The following DYTN variants were observed in gnomAD, a reference collection of about 807,000 sequenced individuals.
DYTN encodes dystrotelin.
Under a neutral mutation model 69.6 loss-of-function variants are expected in DYTN, and 75 were observed. That is an observed-to-expected ratio of 1.08 (90% confidence interval 0.89 to 1.31). DYTN has a LOEUF of 1.31. DYTN is among the 50% of genes most tolerant of loss of function. DYTN has a pLI of 0.00. For missense variants in DYTN, 726 were observed against 688.4 expected (o/e 1.05, Z -0.61); for synonymous variants, 252 against 249.1 (o/e 1.01, Z -0.11).
Position 206,665,970 on chromosome 2 carries a change from T to C in DYTN, c.1040A>G (p.Gln347Arg). 1 of 1,613,982 alleles carries C rather than the reference T, an allele frequency of 6.2e-7. No individual in the cohort carries two copies. The highest frequency in any genetic ancestry group is 8.5e-7 in the Non-Finnish European group (1 of 1,179,872). Residue 347 changes from glutamine (Q) to arginine (R), a missense_variant, in exon 10 of 12, where the codon CAG becomes CGG. By Grantham distance (43) the Gln-to-Arg change is conservative. Transcript: ENST00000452335. ...KDKLQAIYTS[Q>R]EERICRFETR... ...TTCAAATCGACAAATTCTTTCTTCC[T>C]GGGAGGTGTATATAGCTTGCAACTT...
Position 206,705,771 on chromosome 2 carries a change from A to G in DYTN, c.382+17T>C, listed in dbSNP as rs752838526. 1.2e-6 allele frequency: 2 copies of G among 1,612,372 alleles called. No individual in the cohort carries two copies. ...GCTCACTGCACTTTAGGACACCCGC[A>G]GTCCTCTGCATGTTACCTCGGTATT... On this transcript the variant is annotated intron_variant, in intron 4 of 11. Coordinates refer to ENST00000452335, the MANE Select transcript of DYTN (RefSeq NM_001093730.1).
In DYTN at chr2:206,704,909, T is replaced by TC; in HGVS notation, c.416dup (p.Gly140ArgfsTer3). ...TCATGCGTGGCCCAGAATCATAGCC[T>TC]CCCCTGCTATTTTCTGCATAGAGTT... On this transcript the variant is annotated frameshift_variant, in exon 5 of 12. Transcript: ENST00000452335. LOFTEE classifies it high-confidence loss of function. The TC allele has an allele frequency of 6.2e-7, 1 of 1,613,818 alleles. No individual in the cohort carries two copies. Among genetic ancestry groups the TC allele is most frequent in the Admixed American group, 1.7e-5 (1 of 60,008 alleles).
intron 3 of DYTN, among the ~76,000 whole-genome samples, chr2:206,706,755 C>T (rs1025388927): frequency 6.6e-6 from 1 of 152,014 alleles, no homozygotes; most frequent in Non-Finnish European, 1.5e-5. Flanking sequence ...GGAATTGAAA[C>T]CTTACAGCTC....
chr2:206,704,876 C>T lies in DYTN; in HGVS notation c.450G>A (p.Arg150=). 2 of 1,613,554 alleles carry T rather than the reference C, an allele frequency of 1.2e-6. No homozygotes were observed. The highest frequency in any genetic ancestry group is 1.7e-6 in the Non-Finnish European group (2 of 1,179,792). Residue 150 remains arginine, a synonymous_variant, in exon 5 of 12, where the codon AGG becomes AGA. Transcript: ENST00000452335. ...GYDSGPRMTR[R]VLRKLLTDLQ... ...GATCTGTTAGTAGTTTTCTCAAAAC[C>T]CTTCGAGTCATGCGTGGCCCAGAAT... is the stretch of plus-strand genomic sequence containing the variant.
intron 5 of DYTN, among the ~76,000 whole-genome samples, chr2:206,703,981 A>G (rs1024935536): frequency 8.5e-5 from 13 of 152,238 alleles, no homozygotes; most frequent in African/African-American, 3.1e-4. Flanking sequence ...TAACATTTAA[A>G]AAACATCTTT....
chr2:206,659,649 T>G (rs939731876), intron 11 of DYTN, among the ~76,000 whole-genome samples: 1 of 152,160 alleles, frequency 6.6e-6, no homozygotes, highest in East Asian at 1.9e-4. Context: ...TAGTTCTGGC[T>G]CTGATTAAGT....
chr2:206,715,779 C>A (rs1373606972), intron 1 of DYTN, among the ~76,000 whole-genome samples: 4 of 152,088 alleles, frequency 2.6e-5, no homozygotes, highest in African/African-American at 9.7e-5. Flanking sequence ...CAAGTTGGAA[C>A]AAGTATCAGT....
At chr2:206,655,004 T>C (rs943393275) in intron 11 of DYTN, among the ~76,000 whole-genome samples, 35 of 152,214 alleles carry the variant, frequency 2.3e-4, no homozygotes, top group African/African-American at 8.0e-4. Context: ...GGACTTCCAG[T>C]ACTATGTTGA....
intron 2 of DYTN, among the ~76,000 whole-genome samples, chr2:206,708,679 C>T (rs149238174): frequency 8.0e-4 from 122 of 152,338 alleles, no homozygotes; most frequent in African/African-American, 2.5e-3. Flanking sequence ...GTCCATTAAT[C>T]TCACCACAAG....
Position 206,679,109 on chromosome 2 carries a change from C to T in DYTN, c.981-13080G>A, listed in dbSNP as rs892710549. 3.3e-5 allele frequency: 5 copies of T among 152,032 alleles called. No individual in the cohort carries two copies. In the South Asian group the frequency reaches 8.3e-4, roughly 25 times the overall value. The allele number at this position is 152,032 out of a possible 1,614,324, so 9.4% of individuals were successfully genotyped here. On this transcript the variant is annotated intron_variant, in intron 9 of 11. Transcript: ENST00000452335. ...TGGAGGCACCTGTGGCTGCTGTTTCCATTGGTCCAGTTGGCCTTACATCTG... is the reference window on the plus strand; with the variant it reads ...TGGAGGCACCTGTGGCTGCTGTTTCTATTGGTCCAGTTGGCCTTACATCTG...
chr2:206,659,728 T>A (rs1010843704), intron 11 of DYTN, among the ~76,000 whole-genome samples: 2 of 152,144 alleles, frequency 1.3e-5, no homozygotes, highest in Admixed American at 6.6e-5. Context: ...TAATCCAAAT[T>A]GCCAATGGCT....
rs761477613 is a variant in DYTN at position 206,663,009 on chromosome 2, CT to C, written c.1526del (p.Lys509ArgfsTer32). ...TCTCCTTGATGTTACCTGCCTCTTTCTTTTCCACGGCTGCCAGAGCAGGACT... is the reference window on the plus strand; with the variant it reads ...TCTCCTTGATGTTACCTGCCTCTTTCTTTCCACGGCTGCCAGAGCAGGACT... ...MSSPALAAVE[K>X]KEAGNIKERK... is the part of the protein sequence containing the mutation. On this transcript the variant is annotated frameshift_variant, in exon 11 of 12. Coordinates refer to ENST00000452335, the MANE Select transcript of DYTN (RefSeq NM_001093730.1). LOFTEE classifies it high-confidence loss of function. 1 of 1,613,858 alleles carries C rather than the reference CT, an allele frequency of 6.2e-7. No homozygotes were observed. The highest frequency in any genetic ancestry group is 8.5e-7 in the Non-Finnish European group (1 of 1,179,864).
chr2:206,696,670 T>C (rs930232635), intron 7 of DYTN, among the ~76,000 whole-genome samples: 2 of 152,184 alleles, frequency 1.3e-5, no homozygotes, highest in African/African-American at 2.4e-5. Flanking sequence ...TAGTAAGTAG[T>C]AGAAGATTTT....
chr2:206,668,852 C>T (rs577754050), intron 9 of DYTN, among the ~76,000 whole-genome samples: 7 of 152,170 alleles, frequency 4.6e-5, no homozygotes, highest in Admixed American at 2.0e-4. Flanking sequence ...GTGAGTCTCA[C>T]GAGATCTGAT....
At chr2:206,709,969 A>G (rs1338643600) in intron 2 of DYTN, among the ~76,000 whole-genome samples, 5 of 152,204 alleles carry the variant, frequency 3.3e-5, no homozygotes, top group Non-Finnish European at 7.3e-5. Context: ...AAAACCATAC[A>G]TTCAATCAGA....
chr2:206,698,095 T>C (rs958814142), intron 7 of DYTN, among the ~76,000 whole-genome samples: 3 of 152,236 alleles, frequency 2.0e-5, no homozygotes, highest in African/African-American at 7.2e-5. Flanking sequence ...TATAATGTAC[T>C]CATAACATGG....
At chr2:206,668,301 A>C (rs7582155) in intron 9 of DYTN, among the ~76,000 whole-genome samples, 39,106 of 152,106 alleles carry the variant, frequency 0.26, 5,068 homozygotes, top group African/African-American at 0.28. Context: ...AGAAGACATA[A>C]ATCCCTATCC....
intron 9 of DYTN, among the ~76,000 whole-genome samples, chr2:206,679,598 T>C (rs1476401849): frequency 6.6e-6 from 1 of 152,230 alleles, no homozygotes; most frequent in African/African-American, 2.4e-5. Flanking sequence ...TTCATTCCTT[T>C]ATTTAAAAAC....
intron 1 of DYTN, among the ~76,000 whole-genome samples, chr2:206,717,784 T>C (rs915015557): frequency 6.6e-6 from 1 of 152,202 alleles, no homozygotes; most frequent in Non-Finnish European, 1.5e-5. Flanking sequence ...TAACTTGGCA[T>C]TCAGCGATGT....
Sources: gnomAD v4.1 joint callset for allele counts (sites outside exome capture counted in the v4.1 genomes callset) on GRCh38, gnomAD v4.1.1 for gene constraint, MANE v1.5 for transcripts, NCBI Gene and HGNC (gene_info 2026-07-23, HGNC 2026-07-21) for gene names.